YPEL2: variants seen among roughly 807,000 people sequenced by gnomAD.
YPEL2 encodes yippee like 2, also known as protein yippee-like 2.
YPEL2 carries 2 observed loss-of-function variants against 19.1 expected under a neutral mutation model. The observed-to-expected ratio is 0.10, with a 90% CI of 0.04 to 0.33. The LOEUF is 0.33. Among genes scored for constraint, YPEL2 ranks in the 10% least tolerant of loss-of-function variants. YPEL2 has a pLI of 1.00. For missense variants in YPEL2, 66 were observed against 140.7 expected, an observed-to-expected ratio of 0.47 and a Z score of 2.68; for synonymous variants, 52 against 50.0, an observed-to-expected ratio of 1.04 and a Z score of -0.17.
intron 1 of YPEL2, chr17:59,345,378 C>T (rs1348552857): frequency 1.3e-5 from 2 of 152,136 alleles, no homozygotes; most frequent in African/African-American, 2.4e-5. Context: ...TGAAGTCCCA[C>T]CTGGTTCCAG....
At chr17:59,363,527 C>T (rs12601345) in intron 2 of YPEL2, among the ~76,000 whole-genome samples, 1 of 152,030 alleles carries the variant, frequency 6.6e-6, no homozygotes, top group African/African-American at 2.4e-5. Context: ...AGGCTGCTCT[C>T]GAACTCCTGA....
chr17:59,337,232 G>A (rs2047703721), intron 1 of YPEL2, among the ~76,000 whole-genome samples: 1 of 145,804 alleles, frequency 6.9e-6, no homozygotes, highest in Admixed American at 7.0e-5. Flanking sequence ...CTGTGGCCCA[G>A]GCGGGAGTGC....
At chr17:59,352,940 G>A (rs963856302) in intron 1 of YPEL2, among the ~76,000 whole-genome samples, 2 of 152,238 alleles carry the variant, frequency 1.3e-5, no homozygotes, top group East Asian at 3.9e-4. Flanking sequence ...GTTATCTAGG[G>A]CTGCCTGGGA....
chr17:59,352,077 T>C (rs949653406), intron 1 of YPEL2, among the ~76,000 whole-genome samples: 1 of 152,254 alleles, frequency 6.6e-6, no homozygotes, highest in East Asian at 1.9e-4. Context: ...AAGATCCAGA[T>C]GGATCCCAGA....
At chr17:59,341,000 C>G in intron 1 of YPEL2, among the ~76,000 whole-genome samples, 1 of 148,190 alleles carries the variant, frequency 6.7e-6, no homozygotes, top group African/African-American at 2.5e-5. Flanking sequence ...CAGGCTTGAG[C>G]CACCGCACCC....
At chr17:59,371,271 A>AGAATG (rs1336524388) in intron 2 of YPEL2, among the ~76,000 whole-genome samples, 4 of 152,218 alleles carry the variant, frequency 2.6e-5, no homozygotes, top group Non-Finnish European at 5.9e-5. Flanking sequence ...GGAGGTGGGC[A>AGAATG]GAATGCTGAG....
chr17:59,382,213 T>C (rs6503916), intron 2 of YPEL2, among the ~76,000 whole-genome samples: 42,845 of 152,194 alleles, frequency 0.28, 6,674 homozygotes, highest in Middle Eastern at 0.41. Flanking sequence ...CAAGGGAACC[T>C]GAGTGGCTAT....
chr17:59,361,297 G>A (rs889704112), intron 2 of YPEL2, among the ~76,000 whole-genome samples: 2 of 151,846 alleles, frequency 1.3e-5, no homozygotes, highest in African/African-American at 4.8e-5. Context: ...TACGTACTCT[G>A]TGTGTGTGTG....
chr17:59,394,393 G>T, intron 4 of YPEL2, among the ~76,000 whole-genome samples: 1 of 149,310 alleles, frequency 6.7e-6, no homozygotes, highest in Non-Finnish European at 1.5e-5. Flanking sequence ...GGGCAGAGGC[G>T]CTCCCCACAT....
At position 59,397,085 on chromosome 17, in the gene YPEL2, C is replaced by T. The variant is rs1360130954; in HGVS notation, c.271-16C>T. Reference sequence around the variant, plus strand: ...TTGGTCGTTCAGTATCTCTTCTCTGCTTCTGTATTTCCTAGGAACATGCTT... The same window carrying T: ...TTGGTCGTTCAGTATCTCTTCTCTGTTTCTGTATTTCCTAGGAACATGCTT... On this transcript the variant is annotated splice_polypyrimidine_tract_variant and intron_variant, in intron 4 of 4. Transcript: ENST00000312655. The T allele has an allele frequency of 6.3e-7, 1 of 1,590,928 alleles. No homozygotes were observed. Among genetic ancestry groups the T allele is most frequent in the Non-Finnish European group, 8.6e-7 (1 of 1,167,892 alleles).
At chr17:59,357,785 T>C (rs2047820327) in intron 2 of YPEL2, among the ~76,000 whole-genome samples, 2 of 152,114 alleles carry the variant, frequency 1.3e-5, no homozygotes, top group South Asian at 2.1e-4. Flanking sequence ...GATGGCATTG[T>C]GGAGTAGGCC....
intron 1 of YPEL2, among the ~76,000 whole-genome samples, chr17:59,332,257 C>T (rs1023873167): frequency 2.0e-4 from 31 of 152,132 alleles, no homozygotes; most frequent in Non-Finnish European, 3.5e-4. Flanking sequence ...CTCGTGACGC[C>T]GCGTTTCCCT....
intron 1 of YPEL2, among the ~76,000 whole-genome samples, chr17:59,350,516 C>T (rs1431520604): frequency 6.6e-6 from 1 of 152,162 alleles, no homozygotes; most frequent in African/African-American, 2.4e-5. Context: ...CAGCCTGGGC[C>T]ATTGCTTATA....
chr17:59,333,851 G>A (rs924041084), intron 1 of YPEL2, among the ~76,000 whole-genome samples: 1 of 152,194 alleles, frequency 6.6e-6, no homozygotes, highest in Non-Finnish European at 1.5e-5. Flanking sequence ...GGACCTATGA[G>A]ATTGTGATGC....
intron 2 of YPEL2, among the ~76,000 whole-genome samples, chr17:59,380,569 C>T (rs1804439465): frequency 1.3e-5 from 2 of 152,160 alleles, no homozygotes; most frequent in South Asian, 2.1e-4. Context: ...CACGGCCAGC[C>T]CTAACTTATC....
intron 2 of YPEL2, among the ~76,000 whole-genome samples, chr17:59,368,894 G>A (rs762244013): frequency 1.3e-5 from 2 of 152,172 alleles, no homozygotes; most frequent in Non-Finnish European, 2.9e-5. Context: ...CAATGTTGAT[G>A]TTGTGGAGTA....
intron 2 of YPEL2, among the ~76,000 whole-genome samples, chr17:59,378,277 T>A (rs1391287572): frequency 1.3e-5 from 2 of 150,586 alleles, no homozygotes; most frequent in Non-Finnish European, 2.9e-5. Flanking sequence ...AAGGGCCCAG[T>A]TTGTGTAGGT....
intron 1 of YPEL2, among the ~76,000 whole-genome samples, chr17:59,340,954 A>G (rs943042647): frequency 2.0e-5 from 3 of 147,858 alleles, no homozygotes; most frequent in Admixed American, 6.7e-5. Flanking sequence ...ACCTCAGGCT[A>G]TCTGCCCGCC....
At chr17:59,361,748 TGTTG>T (rs2047842018) in intron 2 of YPEL2, among the ~76,000 whole-genome samples, 1 of 152,180 alleles carries the variant, frequency 6.6e-6, no homozygotes, top group African/African-American at 2.4e-5. Context: ...CCAAAGATAC[TGTTG>T]GTTAAAAAAG....
Sources: allele counts gnomAD v4.1 joint callset (sites outside exome capture counted in the v4.1 genomes callset), GRCh38; gene constraint gnomAD v4.1.1; transcripts MANE v1.5; gene names NCBI Gene and HGNC (gene_info 2026-07-23, HGNC 2026-07-21).